The following GPR61 variants were observed in gnomAD, a reference collection of about 807,000 sequenced individuals.
The protein encoded by GPR61 is G-protein coupled receptor 61.
GPR61 carries 15 observed loss-of-function variants against 29.2 expected under a neutral mutation model. That is an observed-to-expected ratio of 0.51 (90% CI 0.34 to 0.79). The LOEUF is 0.79. Ranked by LOEUF, GPR61 falls within the 30% of genes least tolerant of loss-of-function variation. The pLI is 0.01. For missense variants in GPR61, 399 were observed against 582.5 expected, an observed-to-expected ratio of 0.69 and a Z score of 3.24; for synonymous variants, 238 against 242.3, an observed-to-expected ratio of 0.98 and a Z score of 0.17.
At chr1:109,540,841 C>T (rs746404374) in intron 1 of GPR61, among the ~76,000 whole-genome samples, 1 of 152,200 alleles carries the variant, frequency 6.6e-6, no homozygotes, top group African/African-American at 2.4e-5. Context: ...CTTGAGGGAG[C>T]TATGAAAAAG....
chr1:109,543,432 A>G lies in GPR61; in HGVS notation c.410A>G (p.Asn137Ser). The stretch of plus-strand genomic sequence containing the variant: ...GCCATCCTCTCGGTGTCAGCCATCA[A>G]TGTGGAGCGCTACTATTACGTAGTC... ...SLAILSVSAI[N>S]VERYYYVVHP... Residue 137 changes from asparagine (N) to serine (S), a missense_variant, in exon 2 of 2, where the codon AAT becomes AGT. Physicochemically the swap from Asn to Ser is conservative, Grantham distance 46. Transcript: ENST00000527748. This position sits in a 1 kb window ranked among gnomAD's most constrained non-coding sequence, Gnocchi z 6.8. The G allele has an allele frequency of 1.2e-6, 2 of 1,609,218 alleles. No homozygotes were observed. Among genetic ancestry groups the G allele is most frequent in the Non-Finnish European group, 1.7e-6 (2 of 1,178,818 alleles).
In GPR61 at chr1:109,545,449, A is replaced by C. The variant is rs1482996302; in HGVS notation, c.*1071A>C. On this transcript the variant is annotated 3_prime_UTR_variant, in exon 2 of 2. Transcript: ENST00000527748. ...ATTAAATGCCTTCCTACTCCCATTC[A>C]TCGCTCTCAAAATTAGCTTCAGTGA... The C allele has an allele frequency of 6.6e-6, 1 of 152,206 alleles. No homozygotes were observed. Among genetic ancestry groups the C allele is most frequent in the Non-Finnish European group, 1.5e-5 (1 of 68,036 alleles). 9.4% of individuals were successfully genotyped at this position (152,206 alleles called of 1,614,324 possible). A position where few individuals can be genotyped will look rare whatever the true frequency, so the allele number is the denominator to read the frequency against.
chr1:109,544,061 C>T lies in GPR61; in HGVS notation c.1039C>T (p.Gln347Ter). The change falls in exon 2 of 2, where the codon CAG (glutamine) becomes TAG (stop). Residue 347 changes from glutamine (Q) to a stop codon, truncating the protein, a stop_gained. Transcript: ENST00000527748. LOFTEE classifies it high-confidence loss of function. This position sits in a 1 kb window ranked among gnomAD's most constrained non-coding sequence, Gnocchi z 4.6. Reference sequence around the variant, plus strand: ...TTTCTTCTATGGATGTCTCAACCGGCAGATCCGGGGGGAGCTCAGCAAGCA... The same window carrying T: ...TTTCTTCTATGGATGTCTCAACCGGTAGATCCGGGGGGAGCTCAGCAAGCA... ...NPFFYGCLNR[Q>*]IRGELSKQFV... 6.2e-7 allele frequency: 1 copy of T among 1,614,222 alleles called. No homozygotes were observed. Among genetic ancestry groups the T allele is most frequent in the Non-Finnish European group, 8.5e-7 (1 of 1,180,028 alleles).
rs987338880 is a variant in GPR61, at chr1:109,544,481, G to A, written c.*103G>A. On this transcript the variant is annotated 3_prime_UTR_variant, in exon 2 of 2. Transcript: ENST00000527748. This position sits in a 1 kb window ranked among gnomAD's most constrained non-coding sequence, Gnocchi z 4.6. ...TCCCAGCTGGCTAGGGCTGAGGCTGGGGTCTCTGCACACAGCTTTTGCTTA... is the reference window on the plus strand; with the variant it reads ...TCCCAGCTGGCTAGGGCTGAGGCTGAGGTCTCTGCACACAGCTTTTGCTTA... The A allele has an allele frequency of 3.6e-6, 3 of 827,850 alleles. No homozygotes were observed. The highest frequency in any genetic ancestry group is 3.4e-5 in the African/African-American group (2 of 58,408). 51.3% of individuals were successfully genotyped at this position (827,850 alleles called of 1,614,324 possible). A position where few individuals can be genotyped will look rare whatever the true frequency, so the allele number is the denominator to read the frequency against.
intron 1 of GPR61, among the ~76,000 whole-genome samples, chr1:109,540,450 A>G (rs1049879245): frequency 6.6e-5 from 10 of 152,198 alleles, no homozygotes; most frequent in Non-Finnish European, 8.8e-5. Flanking sequence ...GTGAATCCCA[A>G]TACCTCTGTG....
chr1:109,544,613 C>G lies in GPR61; in HGVS notation c.*235C>G. 1 of 511,644 alleles carries G rather than the reference C, an allele frequency of 2.0e-6. No homozygotes were observed. The highest frequency in any genetic ancestry group is 3.6e-6 in the Non-Finnish European group (1 of 280,666). 31.7% of individuals were successfully genotyped at this position (511,644 alleles called of 1,614,324 possible). A position where few individuals can be genotyped will look rare whatever the true frequency, so the allele number is the denominator to read the frequency against. ...GGGAGGGAACCTGGGTATGGTGAGA[C>G]GGTGACGAGAGAAAAGGGTCACAAA... On this transcript the variant is annotated 3_prime_UTR_variant, in exon 2 of 2. Transcript: ENST00000527748. The surrounding 1 kb of genome is among the most constrained non-coding windows in gnomAD (Gnocchi z 4.6).
Position 109,542,665 on chromosome 1 carries a change from G to C in GPR61, c.-358G>C, listed in dbSNP as rs1437310598. 1 of 494,816 alleles carries C rather than the reference G, an allele frequency of 2.0e-6. No homozygotes were observed. The highest frequency in any genetic ancestry group is 3.9e-6 in the Non-Finnish European group (1 of 253,224). 30.7% of individuals were successfully genotyped at this position (494,816 alleles called of 1,614,324 possible). A position where few individuals can be genotyped will look rare whatever the true frequency, so the allele number is the denominator to read the frequency against. ...CCGGCTAACAGTTCTGGAAAGGGTA[G>C]AAGGGTATGGAGAACAAGAATGGCA... On this transcript the variant is annotated 5_prime_UTR_variant, in exon 2 of 2. Coordinates refer to ENST00000527748, the MANE Select transcript of GPR61 (RefSeq NM_001393907.1).
In GPR61 at chr1:109,545,405, G is replaced by A. The variant is rs573983788; in HGVS notation, c.*1027G>A. On this transcript the variant is annotated 3_prime_UTR_variant, in exon 2 of 2. Transcript: ENST00000527748. ...GAGACTTAAGGTTGGGCATGGGAAG[G>A]GTGGGGTTTCCATGATCCATTAAAT... is the stretch of plus-strand genomic sequence containing the variant. 1 of 152,264 alleles carries A rather than the reference G, an allele frequency of 6.6e-6. No homozygotes were observed. Among genetic ancestry groups the A allele is most frequent in the East Asian group, 1.9e-4 (1 of 5,188 alleles). 9.4% of individuals were successfully genotyped at this position (152,264 alleles called of 1,614,324 possible).
Position 109,543,122 on chromosome 1 carries a change from G to A in GPR61, c.100G>A (p.Val34Met). ...CTCTACTGCCAGTGGGGTCCCGGAG[G>A]TGGGGCTACGGGATGTTGCTTCGGA... The part of the protein sequence containing the change: ...GPSTASGVPE[V>M]GLRDVASESV... The change falls in exon 2 of 2, where the codon GTG becomes ATG. Residue 34 changes from valine to methionine, a missense_variant. Coordinates refer to ENST00000527748, the MANE Select transcript of GPR61 (RefSeq NM_001393907.1). The surrounding 1 kb of genome is among the most constrained non-coding windows in gnomAD (Gnocchi z 6.8). The A allele has an allele frequency of 6.3e-7, 1 of 1,589,214 alleles. No individual in the cohort carries two copies. The highest frequency in any genetic ancestry group is 1.2e-5 in the South Asian group (1 of 85,902).
At position 109,543,234 on chromosome 1, in the gene GPR61, C is replaced by T; in HGVS notation, c.212C>T (p.Pro71Leu). The T allele has an allele frequency of 6.2e-7, 1 of 1,614,206 alleles. No individual in the cohort carries two copies. The highest frequency in any genetic ancestry group is 1.3e-5 in the African/African-American group (1 of 75,066). ...AAVMAVIAKT[P>L]ALRKFVFVFH... is the part of the protein sequence containing the mutation. ...GTGATGGCCGTGATCGCCAAGACGC[C>T]TGCCCTCCGAAAATTTGTCTTCGTC... Residue 71 changes from proline (P) to leucine (L), a missense_variant, in exon 2 of 2, where the codon CCT becomes CTT. Pro to Leu is a moderately conservative substitution (Grantham distance 98). Coordinates refer to ENST00000527748, the MANE Select transcript of GPR61 (RefSeq NM_001393907.1). This position sits in a 1 kb window ranked among gnomAD's most constrained non-coding sequence, Gnocchi z 6.8.
intron 1 of GPR61, among the ~76,000 whole-genome samples, chr1:109,541,340 GCTGA>G (rs1647636223): frequency 6.6e-6 from 1 of 152,212 alleles, no homozygotes; most frequent in African/African-American, 2.4e-5. Context: ...CACACAGCTG[GCTGA>G]CTGAGTGTTC....
rs536825820 is a variant in GPR61, at chr1:109,542,609, C to T, written c.-414C>T. ...GGCACTATCCCAGAGATCAGCAGGACCCTGGGAAGGAGAAACAGGATTTAG... is the reference window on the plus strand; with the variant it reads ...GGCACTATCCCAGAGATCAGCAGGATCCTGGGAAGGAGAAACAGGATTTAG... On this transcript the variant is annotated 5_prime_UTR_variant, in exon 2 of 2. Coordinates refer to ENST00000527748, the MANE Select transcript of GPR61 (RefSeq NM_001393907.1). The T allele has an allele frequency of 9.6e-5, 43 of 446,446 alleles. No individual in the cohort carries two copies. The highest frequency in any genetic ancestry group is 1.7e-4 in the Non-Finnish European group (38 of 218,500). 27.7% of individuals were successfully genotyped at this position (446,446 alleles called of 1,614,324 possible). A position where few individuals can be genotyped will look rare whatever the true frequency, so the allele number is the denominator to read the frequency against.
At position 109,544,384 on chromosome 1, in the gene GPR61, C is replaced by T. The variant is rs763436387; in HGVS notation, c.*6C>T. 1.7e-5 allele frequency: 27 copies of T among 1,602,380 alleles called. No homozygotes were observed. The highest frequency in any genetic ancestry group is 2.1e-5 in the Non-Finnish European group (25 of 1,171,690). On this transcript the variant is annotated 3_prime_UTR_variant, in exon 2 of 2. Transcript: ENST00000527748. The surrounding 1 kb of genome is among the most constrained non-coding windows in gnomAD (Gnocchi z 4.6). ...CACCCCGGCTGGAGTCATGATGGGC[C>T]GCTGGACACTCGGAGGGATATGGGG...
Position 109,543,961 on chromosome 1 carries a change from T to A in GPR61, c.939T>A (p.Ser313Arg). The A allele has an allele frequency of 1.9e-6, 3 of 1,614,220 alleles. No individual in the cohort carries two copies. Among genetic ancestry groups the A allele is most frequent in the Non-Finnish European group, 2.5e-6 (3 of 1,180,040 alleles). Reference protein sequence around the residue: ...YFSFHLYVALSAQPISTGQVE... With the variant: ...YFSFHLYVALRAQPISTGQVE... The stretch of plus-strand genomic sequence containing the variant: ...CTTTCCACCTCTATGTTGCCCTGAG[T>A]GCTCAGCCCATTTCAACTGGGCAGG... Residue 313 changes from serine (S) to arginine (R), a missense_variant, in exon 2 of 2, where the codon AGT becomes AGA. By Grantham distance (110) the Ser-to-Arg change is moderately radical. Transcript: ENST00000527748. This position sits in a 1 kb window ranked among gnomAD's most constrained non-coding sequence, Gnocchi z 6.8.
Position 109,542,656 on chromosome 1 carries a change from GAA to G in GPR61, c.-365_-364del. On this transcript the variant is annotated 5_prime_UTR_variant, in exon 2 of 2. Coordinates refer to ENST00000527748, the MANE Select transcript of GPR61 (RefSeq NM_001393907.1). Reference sequence around the variant, plus strand: ...TTAGAATCCCCGGCTAACAGTTCTGGAAAGGGTAGAAGGGTATGGAGAACAAG... The same window carrying G: ...TTAGAATCCCCGGCTAACAGTTCTGGAGGGTAGAAGGGTATGGAGAACAAG... The G allele has an allele frequency of 2.1e-6, 1 of 483,356 alleles. No individual in the cohort carries two copies. Among genetic ancestry groups the G allele is most frequent in the Non-Finnish European group, 4.1e-6 (1 of 245,272 alleles). The allele number at this position is 483,356 out of a possible 1,614,324, so 29.9% of individuals were successfully genotyped here.
rs768214287 is a variant in GPR61 at position 109,544,058 on chromosome 1, C to A, written c.1036C>A (p.Arg346=). 6.2e-7 allele frequency: 1 copy of A among 1,614,180 alleles called. No individual in the cohort carries two copies. Among genetic ancestry groups the A allele is most frequent in the South Asian group, 1.1e-5 (1 of 91,086 alleles). The change falls in exon 2 of 2, where the codon CGG becomes AGG. Residue 346 remains arginine (R), a synonymous_variant. Transcript: ENST00000527748. The surrounding 1 kb of genome is among the most constrained non-coding windows in gnomAD (Gnocchi z 4.6). ...CCCTTTCTTCTATGGATGTCTCAAC[C>A]GGCAGATCCGGGGGGAGCTCAGCAA... ...SNPFFYGCLN[R]QIRGELSKQF... is the part of the protein sequence containing the mutation.
chr1:109,546,910 C>G lies in GPR61; in HGVS notation c.*2532C>G, dbSNP rs1297496247. On this transcript the variant is annotated 3_prime_UTR_variant, in exon 2 of 2. Coordinates refer to ENST00000527748, the MANE Select transcript of GPR61 (RefSeq NM_001393907.1). ...AATCTGAGCTAACTCACTGAAGAATCAACAGATTGAGGCAACCATCCGGTC... is the reference window on the plus strand; with the variant it reads ...AATCTGAGCTAACTCACTGAAGAATGAACAGATTGAGGCAACCATCCGGTC... 3 of 152,186 alleles carry G rather than the reference C, an allele frequency of 2.0e-5. No homozygotes were observed. 9.4% of individuals were successfully genotyped at this position (152,186 alleles called of 1,614,324 possible). A position where few individuals can be genotyped will look rare whatever the true frequency, so the allele number is the denominator to read the frequency against.
chr1:109,543,417 C>A lies in GPR61; in HGVS notation c.395C>A (p.Ser132Ter). ...TGCTTTGTCAGCCTGGCCATCCTCT[C>A]GGTGTCAGCCATCAATGTGGAGCGC... ...SVCFVSLAIL[S>*]VSAINVERYY... Residue 132 changes from serine (S) to a stop codon, truncating the protein, a stop_gained, in exon 2 of 2, where the codon TCG becomes TAG. Transcript: ENST00000527748. LOFTEE classifies it high-confidence loss of function. This position sits in a 1 kb window ranked among gnomAD's most constrained non-coding sequence, Gnocchi z 6.8. 1 of 1,611,946 alleles carries A rather than the reference C, an allele frequency of 6.2e-7. No individual in the cohort carries two copies.
chr1:109,546,535 A>G lies in GPR61; in HGVS notation c.*2157A>G, dbSNP rs1647802547. 6.6e-6 allele frequency: 1 copy of G among 152,198 alleles called. No individual in the cohort carries two copies. The highest frequency in any genetic ancestry group is 1.5e-5 in the Non-Finnish European group (1 of 68,036). 9.4% of individuals were successfully genotyped at this position (152,198 alleles called of 1,614,324 possible). A position where few individuals can be genotyped will look rare whatever the true frequency, so the allele number is the denominator to read the frequency against. On this transcript the variant is annotated 3_prime_UTR_variant, in exon 2 of 2. Coordinates refer to ENST00000527748, the MANE Select transcript of GPR61 (RefSeq NM_001393907.1). ...GGGCATTAAACATTGCCTGGCAGCC[A>G]TTTTGTTAATTTATTTTGCCTTTTC...
Sources: gnomAD v4.1 joint callset for allele counts (sites outside exome capture counted in the v4.1 genomes callset) on GRCh38, gnomAD v4.1.1 for gene constraint, Gnocchi (gnomAD v3.1) non-coding constraint, MANE v1.5 for transcripts, NCBI Gene and HGNC (gene_info 2026-07-23, HGNC 2026-07-21) for gene names.